LYST: variants seen among roughly 807,000 people sequenced by gnomAD.
LYST encodes the protein lysosomal-trafficking regulator.
In LYST, 192 loss-of-function variants were observed where a neutral mutation model predicts 413.6. That is an observed-to-expected ratio of 0.46 (90% confidence interval 0.41 to 0.52). The LOEUF (loss-of-function observed/expected upper bound fraction) is 0.52. Among genes scored for constraint, LYST ranks in the 20% least tolerant of loss-of-function variants. The pLI is 0.00. For missense variants in LYST, 3,815 were observed against 4,499.9 expected (o/e 0.85, Z 4.35); for synonymous variants, 1,525 against 1,567.3 (o/e 0.97, Z 0.64).
At position 235,773,945 on chromosome 1, in the gene LYST, T is replaced by A. The variant is rs761717729; in HGVS notation, c.5681A>T (p.Glu1894Val). The change falls in exon 19 of 53, where the codon GAG (glutamate) becomes GTG (valine). Residue 1894 changes from glutamate to valine, a missense_variant. Glu to Val is a moderately radical substitution (Grantham distance 121). This residue lies in a region of LYST where 530 missense variants were observed against 696.5 expected (regional missense o/e 0.76). Coordinates refer to ENST00000389793, the MANE Select transcript of LYST (RefSeq NM_000081.4). ...TACATCCAACTTAAACTCTCCATTC[T>A]CATTCATATAAATAATATCTTCACC... ...CCGEDIIYMN[E>V]NGEFKLDVDS... 3 of 1,606,196 alleles carry A rather than the reference T, an allele frequency of 1.9e-6. No homozygotes were observed. In the Admixed American group the frequency reaches 5.0e-5, roughly 27 times the overall value.
In LYST at chr1:235,791,764, T is replaced by C; in HGVS notation, c.4478A>G (p.Lys1493Arg). 1 of 1,613,692 alleles carries C rather than the reference T, an allele frequency of 6.2e-7. No homozygotes were observed. The highest frequency in any genetic ancestry group is 8.5e-7 in the Non-Finnish European group (1 of 1,179,584). Residue 1493 changes from lysine (K) to arginine (R), a missense_variant, in exon 12 of 53, where the codon AAA becomes AGA. Around this residue, in one of 4 missense-constraint regions of LYST, gnomAD observed 1,648 missense variants for 1,810.3 expected, o/e 0.91. Coordinates refer to ENST00000389793, the MANE Select transcript of LYST (RefSeq NM_000081.4). Reference sequence around the variant, plus strand: ...GTTTCTTTTCTTTATCTTCTTTCCTTTTTCTGTAGTACTCTCAGCTTCATG... The same window carrying C: ...GTTTCTTTTCTTTATCTTCTTTCCTCTTTCTGTAGTACTCTCAGCTTCATG... ...CIHEAESTTE[K>R]GKKIKKRNKS...
chr1:235,695,629 A>ATTTTTTTT (rs148101450), intron 46 of LYST, among the ~76,000 whole-genome samples: 4 of 116,418 alleles, frequency 3.4e-5, no homozygotes, highest in African/African-American at 1.4e-4. Context: ...CAGTACTCTA[A>ATTTTTTTT]TTTTTTTTTT....
intron 45 of LYST, among the ~76,000 whole-genome samples, chr1:235,699,578 CT>C (rs143485175): frequency 0.033 from 5,085 of 152,146 alleles, 271 homozygotes; most frequent in African/African-American, 0.12. Context: ...ATTTATATTC[CT>C]TTGAGTATAT....
At chr1:235,733,377 T>G in intron 34 of LYST, 126 bp downstream of exon 34, 1 of 823,380 alleles carries the variant, frequency 1.2e-6, no homozygotes, top group Non-Finnish European at 2.0e-6. Flanking sequence ...ACATCACAAA[T>G]GATTAAACAA....
chr1:235,804,401 G>A (rs1417628316), intron 7 of LYST, 103 bp downstream of exon 7: 1 of 895,608 alleles, frequency 1.1e-6, no homozygotes, highest in Admixed American at 1.7e-5. Flanking sequence ...CCAAGTCCTA[G>A]TCCATATGCT....
At chr1:235,843,583 G>A (rs909308392) in intron 1 of LYST, among the ~76,000 whole-genome samples, 2 of 152,068 alleles carry the variant, frequency 1.3e-5, no homozygotes, top group African/African-American at 4.8e-5. Context: ...GACAGACAGT[G>A]CCATCTGAAG....
At chr1:235,671,806 G>C (rs540184720) in intron 50 of LYST, among the ~76,000 whole-genome samples, 3 of 152,208 alleles carry the variant, frequency 2.0e-5, no homozygotes, top group Non-Finnish European at 4.4e-5. Context: ...GAAGCAATTA[G>C]ATTAAGAAGA....
At chr1:235,788,602 G>T in intron 13 of LYST, 99 bp downstream of exon 13, 1 of 1,103,986 alleles carries the variant, frequency 9.1e-7, no homozygotes, top group South Asian at 1.3e-5. Context: ...TTTTTGTTTT[G>T]CTATAATGAA....
chr1:235,862,668 C>T (rs1248784545), intron 1 of LYST, among the ~76,000 whole-genome samples: 1 of 152,030 alleles, frequency 6.6e-6, no homozygotes, highest in Admixed American at 6.5e-5. Flanking sequence ...TGGTGGCAGG[C>T]ATCTGTAGTC....
At chr1:235,693,633 A>C in intron 46 of LYST, 147 bp from the exon 47 acceptor site, 1 of 822,724 alleles carries the variant, frequency 1.2e-6, no homozygotes, top group Non-Finnish European at 1.9e-6. Flanking sequence ...AAAATGGAAC[A>C]ATTTTTTAGT....
chr1:235,802,363 A>G (rs1336879481), intron 8 of LYST, among the ~76,000 whole-genome samples: 1 of 152,154 alleles, frequency 6.6e-6, no homozygotes, highest in African/African-American at 2.4e-5. Context: ...TAGGCAATAT[A>G]GTTCCATCCT....
intron 34 of LYST, among the ~76,000 whole-genome samples, chr1:235,732,207 C>T (rs1664447294): frequency 6.6e-6 from 1 of 152,128 alleles, no homozygotes; most frequent in Admixed American, 6.5e-5. Flanking sequence ...GAGGTAGATG[C>T]ATTGTAATGT....
chr1:235,811,413 G>A (rs1673439402), intron 4 of LYST, among the ~76,000 whole-genome samples: 1 of 152,062 alleles, frequency 6.6e-6, no homozygotes, highest in Non-Finnish European at 1.5e-5. Flanking sequence ...TACACTATAT[G>A]CCAAATGTTC....
rs1421620695 is a variant in LYST, at chr1:235,741,768, T to A, written c.8152-140A>T. 11 of 692,530 alleles carry A rather than the reference T, an allele frequency of 1.6e-5. No homozygotes were observed. In the East Asian group the frequency reaches 2.7e-4, roughly 17 times the overall value. The allele number at this position is 692,530 out of a possible 1,614,324, so 42.9% of individuals were successfully genotyped here. Reference sequence around the variant, plus strand: ...TAATAGTCAAAATTAGAAAGAGATATACATATCCATACACATAGGAGTTTA... The same window carrying A: ...TAATAGTCAAAATTAGAAAGAGATAAACATATCCATACACATAGGAGTTTA... On this transcript the variant is annotated intron_variant, in intron 30 of 52. Transcript: ENST00000389793.
intron 46 of LYST, 38 bp downstream of exon 46, chr1:235,697,045 G>A (rs761731196): frequency 1.3e-6 from 2 of 1,573,974 alleles, no homozygotes; most frequent in Admixed American, 3.3e-5. Flanking sequence ...TCTCACGAAA[G>A]ATATATCCAG....
chr1:235,718,453 A>G (rs944601504), intron 40 of LYST, among the ~76,000 whole-genome samples: 3 of 151,194 alleles, frequency 2.0e-5, no homozygotes, highest in African/African-American at 4.9e-5. Context: ...AGTGATTTTC[A>G]TGCCTCAGCT....
intron 34 of LYST, 147 bp downstream of exon 34, chr1:235,733,356 A>T: frequency 2.8e-6 from 2 of 711,222 alleles, no homozygotes; most frequent in South Asian, 1.7e-5. Flanking sequence ...TTATTCTTTA[A>T]GATGAAAAAA....
At chr1:235,728,235 C>T in intron 37 of LYST, 104 bp from the exon 38 acceptor site, 1 of 816,764 alleles carries the variant, frequency 1.2e-6, no homozygotes, top group Non-Finnish European at 2.2e-6. Flanking sequence ...ATTTGAATCT[C>T]ACTACCTCGA....
chr1:235,739,049 T>C (rs1665091284), intron 31 of LYST: 1 of 631,678 alleles, frequency 1.6e-6, no homozygotes, highest in Non-Finnish European at 3.0e-6. Context: ...AGTTGGAGGT[T>C]GTGCATATTG....
Sources: allele counts gnomAD v4.1 joint callset (sites outside exome capture counted in the v4.1 genomes callset), GRCh38; gene constraint gnomAD v4.1.1; regional missense constraint gnomAD v4.1.1; transcripts MANE v1.5; gene names NCBI Gene and HGNC (gene_info 2026-07-23, HGNC 2026-07-21).